The following STMN4 variants were observed in gnomAD, a reference collection of about 807,000 sequenced individuals.
STMN4 encodes stathmin-4.
A neutral mutation model predicts 29.1 loss-of-function variants in STMN4; 12 were observed. The observed-to-expected ratio is 0.41, with a 90% CI of 0.26 to 0.67. The LOEUF (loss-of-function observed/expected upper bound fraction) is 0.67. STMN4 is among the 30% of genes least tolerant of loss of function. The pLI is 0.30. For synonymous variants in STMN4, 114 were observed against 105.3 expected (o/e 1.08, Z -0.51); for missense variants, 181 against 262.8 (o/e 0.69, Z 2.15).
chr8:27,256,147 A>G (rs753911185), intron 1 of STMN4, among the ~76,000 whole-genome samples: 1 of 152,214 alleles, frequency 6.6e-6, no homozygotes, highest in Non-Finnish European at 1.5e-5. Context: ...TATCTGAGGT[A>G]CCTAGAGGAG....
At chr8:27,243,467 A>G (rs902581390) in intron 2 of STMN4, among the ~76,000 whole-genome samples, 1 of 152,098 alleles carries the variant, frequency 6.6e-6, no homozygotes, top group Non-Finnish European at 1.5e-5. Flanking sequence ...GATGAGCAAA[A>G]GGAAGAAAAT....
chr8:27,255,861 T>A (rs1801925510), intron 1 of STMN4, among the ~76,000 whole-genome samples: 1 of 152,142 alleles, frequency 6.6e-6, no homozygotes, highest in Non-Finnish European at 1.5e-5. Context: ...TGCAGGACAC[T>A]TTCACCGTCC....
At chr8:27,246,855 C>T (rs772243372) in intron 1 of STMN4, among the ~76,000 whole-genome samples, 7 of 152,092 alleles carry the variant, frequency 4.6e-5, no homozygotes, top group African/African-American at 1.7e-4. Context: ...ATGCAGTAGC[C>T]CCGGGGAAAC....
rs533917578 is a variant in STMN4 at position 27,251,847 on chromosome 8, G to A, written c.-79+6504C>T. ...TATTATACTTTAAGTTTTAGGGTAC[G>A]TGTGCACATTGTGCAGGTTAGTTAC... is the stretch of plus-strand genomic sequence containing the variant. On this transcript the variant is annotated intron_variant, in intron 1 of 6. Transcript: ENST00000350889. Among the ~76,000 whole-genome samples, 284 of 149,062 alleles carry A rather than the reference G, an allele frequency of 1.9e-3. 3 individuals carry two copies. The Middle Eastern group carries it at 0.021, about 11-fold the overall frequency.
rs1380903117 is a variant in STMN4 at position 27,241,484 on chromosome 8, C to G, written c.190+193G>C. Among the ~76,000 whole-genome samples the G allele has an allele frequency of 2.6e-5, 4 of 152,180 alleles. No homozygotes were observed. The East Asian group carries it at 5.8e-4, about 22-fold the overall frequency. ...GGCTTCAGCCTGCAAGAATAGGGGG[C>G]CCCAGGCAATGTGATTTCCTACGAC... On this transcript the variant is annotated intron_variant, in intron 4 of 6. Coordinates refer to ENST00000350889, the MANE Select transcript of STMN4 (RefSeq NM_030795.4).
In STMN4 at chr8:27,242,397, C is replaced by T; in HGVS notation, c.109G>A (p.Gly37Ser). 1.9e-6 allele frequency: 3 copies of T among 1,614,152 alleles called. No homozygotes were observed. Among genetic ancestry groups the T allele is most frequent in the Non-Finnish European group, 2.5e-6 (3 of 1,180,010 alleles). Residue 37 changes from glycine to serine, a missense_variant and splice_region_variant, in exon 3 of 7, where the codon GGC becomes AGC. Coordinates refer to ENST00000350889, the MANE Select transcript of STMN4 (RefSeq NM_030795.4). ...CTTTCCTGGCTGAGCCTTCACTGACCTTCATATTTGTAGGACGACTTATTC... is the reference window on the plus strand; with the variant it reads ...CTTTCCTGGCTGAGCCTTCACTGACTTTCATATTTGTAGGACGACTTATTC... ...PLNKSSYKYE[G>S]WCGRQCRRKD...
intron 6 of STMN4, among the ~76,000 whole-genome samples, chr8:27,238,878 C>T (rs1322268591): frequency 2.0e-5 from 3 of 152,258 alleles, no homozygotes; most frequent in Non-Finnish European, 1.5e-5. Flanking sequence ...AGTGCTATAT[C>T]CTGGGTCGAG....
At chr8:27,242,691 C>G (rs1801511860) in intron 2 of STMN4, among the ~76,000 whole-genome samples, 199 bp from the exon 3 acceptor site, 1 of 152,206 alleles carries the variant, frequency 6.6e-6, no homozygotes, top group African/African-American at 2.4e-5. Context: ...CGAACCCACT[C>G]CTGTCTCCTG....
chr8:27,236,859 T>C lies in STMN4; in HGVS notation c.638A>G (p.Glu213Gly). Residue 213 changes from glutamate to glycine, a missense_variant, in exon 7 of 7, where the codon GAG becomes GGG. Coordinates refer to ENST00000350889, the MANE Select transcript of STMN4 (RefSeq NM_030795.4). ...EVRKNKELKE[E>G]ASR ...GGCCTCTAGGCTTTACCTGGAGGCC[T>C]CTTCCTTCAGCTCCTTGTTTTTCCG... The C allele has an allele frequency of 6.2e-7, 1 of 1,606,438 alleles. No homozygotes were observed. Among genetic ancestry groups the C allele is most frequent in the South Asian group, 1.1e-5 (1 of 89,496 alleles).
At chr8:27,256,260 A>G (rs1355540721) in intron 1 of STMN4, among the ~76,000 whole-genome samples, 1 of 152,208 alleles carries the variant, frequency 6.6e-6, no homozygotes, top group African/African-American at 2.4e-5. Context: ...AGTTTTGCCA[A>G]ATGAAAAGAG....
At chr8:27,253,301 C>G (rs1801845908) in intron 1 of STMN4, among the ~76,000 whole-genome samples, 1 of 152,176 alleles carries the variant, frequency 6.6e-6, no homozygotes, top group African/African-American at 2.4e-5. Context: ...TTACATATTA[C>G]TTTTAATTTT....
Position 27,236,896 on chromosome 8 carries a change from C to A in STMN4, c.601G>T (p.Ala201Ser). Residue 201 changes from alanine to serine, a missense_variant, in exon 7 of 7, where the codon GCC becomes TCC. Ala to Ser is a moderately conservative substitution (Grantham distance 99). Transcript: ENST00000350889. ...LERLQEKDKHAEEVRKNKELK... is the reference protein window; with the variant it reads ...LERLQEKDKHSEEVRKNKELK... ...TCCTTGTTTTTCCGCACCTCCTCGG[C>A]GTGCTTGTCCTGGAAAGGAAGGGAG... is the stretch of plus-strand genomic sequence containing the variant. 6.2e-7 allele frequency: 1 copy of A among 1,607,458 alleles called. No homozygotes were observed. The highest frequency in any genetic ancestry group is 8.5e-7 in the Non-Finnish European group (1 of 1,177,276).
At chr8:27,237,031 A>G (rs10217008) in intron 6 of STMN4, 126 bp from the exon 7 acceptor site, 986,273 of 1,016,366 alleles carry the variant, frequency 0.97, 479,126 homozygotes, top group Non-Finnish European at 0.98. Context: ...CTCTGTCTGC[A>G]AAGGCATCCC....
chr8:27,239,919 G>C (rs1801416458), intron 6 of STMN4, 52 bp downstream of exon 6: 5 of 1,613,694 alleles, frequency 3.1e-6, no homozygotes, highest in Admixed American at 1.7e-5. Flanking sequence ...ACTTGCTGCA[G>C]AAGGAAAACA....
chr8:27,253,360 A>G (rs1029557156), intron 1 of STMN4, among the ~76,000 whole-genome samples: 2 of 152,250 alleles, frequency 1.3e-5, no homozygotes, highest in African/African-American at 2.4e-5. Context: ...CATTAAGAAC[A>G]TTAAGAATAA....
chr8:27,255,261 C>T lies in STMN4; in HGVS notation c.-79+3090G>A, dbSNP rs376947069. Among the ~76,000 whole-genome samples the T allele has an allele frequency of 7.2e-5, 11 of 152,194 alleles. No individual in the cohort carries two copies. In the South Asian group the frequency reaches 1.0e-3, roughly 14 times the overall value. ...AAAAATGGATTTGTTCCCTGAGTGGCGTTACGAAAATTACACTTTACATGT... is the reference window on the plus strand; with the variant it reads ...AAAAATGGATTTGTTCCCTGAGTGGTGTTACGAAAATTACACTTTACATGT... On this transcript the variant is annotated intron_variant, in intron 1 of 6. Coordinates refer to ENST00000350889, the MANE Select transcript of STMN4 (RefSeq NM_030795.4).
intron 1 of STMN4, among the ~76,000 whole-genome samples, chr8:27,256,671 G>T (rs1439756486): frequency 6.6e-6 from 1 of 152,174 alleles, no homozygotes; most frequent in Non-Finnish European, 1.5e-5. Flanking sequence ...CCCATTACAT[G>T]AGATGTGCTC....
chr8:27,241,224 T>C lies in STMN4; in HGVS notation c.229A>G (p.Met77Val). The C allele has an allele frequency of 1.2e-6, 2 of 1,614,218 alleles. No individual in the cohort carries two copies. Among genetic ancestry groups the C allele is most frequent in the South Asian group, 1.1e-5 (1 of 91,086 alleles). ...VDLNWCVISD[M>V]EVIELNKCTS... ...CATTTGTTCAGCTCGATGACTTCCA[T>C]GTCGGAAATGACGCACCAATTCAGG... The change falls in exon 5 of 7, where the codon ATG becomes GTG. Residue 77 changes from methionine (M) to valine (V), a missense_variant. Coordinates refer to ENST00000350889, the MANE Select transcript of STMN4 (RefSeq NM_030795.4).
At chr8:27,256,469 G>A (rs1014240222) in intron 1 of STMN4, among the ~76,000 whole-genome samples, 2 of 152,072 alleles carry the variant, frequency 1.3e-5, no homozygotes, top group African/African-American at 4.8e-5. Context: ...TTAGCCTAAT[G>A]TTTCTCAAAC....
Sources: gnomAD v4.1 joint callset for allele counts (sites outside exome capture counted in the v4.1 genomes callset) on GRCh38, gnomAD v4.1.1 for gene constraint, MANE v1.5 for transcripts, NCBI Gene and HGNC (gene_info 2026-07-23, HGNC 2026-07-21) for gene names.